The following INTS2 variants were observed in gnomAD, a reference collection of about 807,000 sequenced individuals.
INTS2 encodes KIAA1287.
In INTS2, 57 loss-of-function variants were observed where a neutral mutation model predicts 139.6. The observed-to-expected ratio is 0.41, with a 90% confidence interval of 0.33 to 0.51. The LOEUF (loss-of-function observed/expected upper bound fraction) is 0.51, where lower values mean the gene tolerates loss of function less well. INTS2 is among the 20% of genes least tolerant of loss of function. The pLI is 0.28. For missense variants in INTS2, 1,196 were observed against 1,436.7 expected, an observed-to-expected ratio of 0.83 and a Z score of 2.71; for synonymous variants, 473 against 493.4, an observed-to-expected ratio of 0.96 and a Z score of 0.55.
rs1414225481 is a variant in INTS2 at position 61,866,794 on chromosome 17, A to C, written c.*763T>G. 7 of 152,328 alleles carry C rather than the reference A, an allele frequency of 4.6e-5. No individual in the cohort carries two copies. The highest frequency in any genetic ancestry group is 8.8e-5 in the Non-Finnish European group (6 of 68,022). The allele number at this position is 152,328 out of a possible 1,614,324, so 9.4% of individuals were successfully genotyped here. A position where few individuals can be genotyped will look rare whatever the true frequency, so the allele number is the denominator to read the frequency against. On this transcript the variant is annotated 3_prime_UTR_variant, in exon 25 of 25. Coordinates refer to ENST00000251334, the MANE Select transcript of INTS2 (RefSeq NM_001351695.2). The stretch of plus-strand genomic sequence containing the variant: ...AATTTAAAACATAAAACTAAATGAG[A>C]TCTCTCAGGTTCTTCTTTGAACAAA...
intron 8 of INTS2, among the ~76,000 whole-genome samples, chr17:61,905,689 T>A (rs1352545526): frequency 6.6e-6 from 1 of 151,756 alleles, no homozygotes; most frequent in Non-Finnish European, 1.5e-5. Flanking sequence ...CTTTGCCTCC[T>A]TTTTTTTATG....
intron 16 of INTS2, among the ~76,000 whole-genome samples, chr17:61,883,351 T>TAA (rs879779014): frequency 7.4e-6 from 1 of 135,596 alleles, no homozygotes. Context: ...CATCTCTACT[T>TAA]AAAAAAAAAA....
chr17:61,915,019 C>A (rs911787749), intron 5 of INTS2, among the ~76,000 whole-genome samples: 5 of 151,910 alleles, frequency 3.3e-5, no homozygotes, highest in Admixed American at 6.6e-5. Flanking sequence ...GCCTGGCCAA[C>A]ATGGTGAAAC....
At position 61,907,544 on chromosome 17, in the gene INTS2, T is replaced by C. The variant is rs1425491579; in HGVS notation, c.1045A>G (p.Thr349Ala). The C allele has an allele frequency of 1.3e-6, 2 of 1,593,850 alleles. No homozygotes were observed. The highest frequency in any genetic ancestry group is 1.7e-6 in the Non-Finnish European group (2 of 1,169,810). Reference protein sequence around the residue: ...LMGILPTVRSTRIVEEADVDM... With the variant: ...LMGILPTVRSARIVEEADVDM... ...ACATCAGCTTCTTCCACAATTCGGG[T>C]GCTTCTTACTGTGGGAAGAATGCCC... The change falls in exon 8 of 25, where the codon ACC (threonine) becomes GCC (alanine). Residue 349 changes from threonine (T) to alanine (A), a missense_variant. Physicochemically the swap from Thr to Ala is moderately conservative, Grantham distance 58. Around this residue, in one of 3 missense-constraint regions of INTS2, gnomAD observed 1,129 missense variants for 1,341.9 expected, o/e 0.84. Coordinates refer to ENST00000251334, the MANE Select transcript of INTS2 (RefSeq NM_001351695.2).
At chr17:61,879,925 C>CTTTATTTTTTT (rs2079162787) in intron 17 of INTS2, among the ~76,000 whole-genome samples, 1 of 152,132 alleles carries the variant, frequency 6.6e-6, no homozygotes, top group Admixed American at 6.5e-5. Context: ...TTTCTTTTTC[C>CTTTATTTTTTT]TGGAAAGTTT....
intron 5 of INTS2, among the ~76,000 whole-genome samples, chr17:61,915,592 G>A (rs2079573460): frequency 6.7e-6 from 1 of 149,688 alleles, no homozygotes; most frequent in Non-Finnish European, 1.5e-5. Flanking sequence ...GCCGAGAAGG[G>A]TGGATAACTA....
intron 5 of INTS2, among the ~76,000 whole-genome samples, chr17:61,918,674 A>G (rs567139382): frequency 2.0e-5 from 3 of 152,294 alleles, no homozygotes; most frequent in South Asian, 4.1e-4. Context: ...TTATTTTTAT[A>G]TCACTCATAC....
At chr17:61,906,717 G>A (rs2079467150) in intron 8 of INTS2, among the ~76,000 whole-genome samples, 2 of 151,850 alleles carry the variant, frequency 1.3e-5, no homozygotes, top group South Asian at 4.1e-4. Context: ...AGGCACAGTG[G>A]CTCATGCCTG....
chr17:61,872,384 G>C lies in INTS2; in HGVS notation c.2659C>G (p.His887Asp). ...CTATCTTGCTCTGTTTCCTTCAGAT[G>C]AGCACTAAGGTAGGCTTTAGATGCA... ...LLASKAYLSA[H>D]LKETEQDRPS... The change falls in exon 20 of 25, where the codon CAT becomes GAT. Residue 887 changes from histidine to aspartate, a missense_variant. By Grantham distance (81) the His-to-Asp change is moderately conservative. Transcript: ENST00000251334. This position sits in a 1 kb window ranked among gnomAD's most constrained non-coding sequence, Gnocchi z 4.8. The C allele has an allele frequency of 6.2e-7, 1 of 1,611,932 alleles. No homozygotes were observed. Among genetic ancestry groups the C allele is most frequent in the Non-Finnish European group, 8.5e-7 (1 of 1,178,306 alleles).
At position 61,866,553 on chromosome 17, in the gene INTS2, G is replaced by A. The variant is rs115076826; in HGVS notation, c.*1004C>T. 3.9e-5 allele frequency: 6 copies of A among 151,948 alleles called. No individual in the cohort carries two copies. The highest frequency in any genetic ancestry group is 6.6e-5 in the Admixed American group (1 of 15,250). 9.4% of individuals were successfully genotyped at this position (151,948 alleles called of 1,614,324 possible). On this transcript the variant is annotated 3_prime_UTR_variant, in exon 25 of 25. Coordinates refer to ENST00000251334, the MANE Select transcript of INTS2 (RefSeq NM_001351695.2). The stretch of plus-strand genomic sequence containing the variant: ...CTGACAGAGGACTGCAAAATCCTTC[G>A]GCAAGACAATATTTTCTACACTTTA...
chr17:61,889,942 T>G, intron 14 of INTS2, 48 bp from the exon 15 acceptor site: 1 of 1,184,134 alleles, frequency 8.4e-7, no homozygotes, highest in South Asian at 1.4e-5. Context: ...ATTTCACGAG[T>G]GCTTTTTTTT....
Position 61,909,312 on chromosome 17 carries a change from T to C in INTS2, c.955-1678A>G, listed in dbSNP as rs1447120587. Among the ~76,000 whole-genome samples the C allele has an allele frequency of 2.6e-5, 4 of 152,286 alleles. No individual in the cohort carries two copies. The highest frequency in any genetic ancestry group is 1.9e-4 in the East Asian group (1 of 5,166). On this transcript the variant is annotated intron_variant, in intron 7 of 24. Coordinates refer to ENST00000251334, the MANE Select transcript of INTS2 (RefSeq NM_001351695.2). This position sits in a 1 kb window ranked among gnomAD's most constrained non-coding sequence, Gnocchi z 4.9. Reference sequence around the variant, plus strand: ...TTTTAGTAGAGACAGGGTTTCACCATGTTGGCCAGGATGGTCTCCCTCTCT... The same window carrying C: ...TTTTAGTAGAGACAGGGTTTCACCACGTTGGCCAGGATGGTCTCCCTCTCT...
chr17:61,921,022 T>A (rs1374631822), intron 4 of INTS2, among the ~76,000 whole-genome samples: 1 of 152,146 alleles, frequency 6.6e-6, no homozygotes, highest in Non-Finnish European at 1.5e-5. Flanking sequence ...TGAGCTCAAG[T>A]GATCCTCCTG....
At position 61,925,034 on chromosome 17, in the gene INTS2, A is replaced by T; in HGVS notation, c.359T>A (p.Leu120Ter). ...LVSQLQHGLT[L>*]EFEHSDSPRR... is the part of the protein sequence containing the mutation. ...AGGTGAATCACTGTGTTCAAACTCT[A>T]ACGTCAGTCCATGCTGAAGCTGTGA... The change falls in exon 3 of 25, where the codon TTA becomes TAA. Residue 120 changes from leucine to a stop codon, truncating the protein, a stop_gained. Transcript: ENST00000251334. LOFTEE classifies it high-confidence loss of function. 6.2e-7 allele frequency: 1 copy of T among 1,613,804 alleles called. No homozygotes were observed. Among genetic ancestry groups the T allele is most frequent in the Non-Finnish European group, 8.5e-7 (1 of 1,179,764 alleles).
At chr17:61,917,320 A>C (rs371231572) in intron 5 of INTS2, among the ~76,000 whole-genome samples, 8 of 152,336 alleles carry the variant, frequency 5.3e-5, no homozygotes, top group African/African-American at 1.9e-4. Context: ...GTTCTACCAA[A>C]GACACATGCG....
At chr17:61,916,719 T>TA (rs1273104000) in intron 5 of INTS2, among the ~76,000 whole-genome samples, 1 of 152,166 alleles carries the variant, frequency 6.6e-6, no homozygotes, top group Non-Finnish European at 1.5e-5. Flanking sequence ...TAGGAAATAC[T>TA]ATTCTGGACA....
At chr17:61,881,841 ACTT>A (rs1429881660) in intron 16 of INTS2, among the ~76,000 whole-genome samples, 1 of 152,208 alleles carries the variant, frequency 6.6e-6, no homozygotes, top group Non-Finnish European at 1.5e-5. Flanking sequence ...GGGAACTACT[ACTT>A]ATAAAGAAAG....
intron 2 of INTS2, among the ~76,000 whole-genome samples, chr17:61,925,303 A>C (rs991191149): frequency 6.6e-6 from 1 of 152,230 alleles, no homozygotes; most frequent in African/African-American, 2.4e-5. Context: ...CACATAGGCC[A>C]GGCACAGTGG....
chr17:61,920,486 CTTTTTTT>C (rs1187583288), intron 4 of INTS2, among the ~76,000 whole-genome samples: 3 of 106,504 alleles, frequency 2.8e-5, no homozygotes, highest in East Asian at 3.1e-4. Context: ...CTGGCCTATA[CTTTTTTT>C]TTTTTTTTTT....
Sources: gnomAD v4.1 joint callset for allele counts (sites outside exome capture counted in the v4.1 genomes callset) on GRCh38, gnomAD v4.1.1 for gene constraint, gnomAD v4.1.1 regional missense constraint, Gnocchi (gnomAD v3.1) non-coding constraint, MANE v1.5 for transcripts, NCBI Gene and HGNC (gene_info 2026-07-23, HGNC 2026-07-21) for gene names.